BUD13: variants seen among roughly 807,000 people sequenced by gnomAD.
BUD13 encodes the protein BUD13 homolog.
In BUD13, 47 loss-of-function variants were observed where a neutral mutation model predicts 62.5. The ratio of observed to expected loss-of-function variants is 0.75; its 90% confidence interval spans 0.60 to 0.96. BUD13 has a LOEUF of 0.96. Ranked by LOEUF, BUD13 falls within the 40% of genes least tolerant of loss-of-function variation. The probability of loss-of-function intolerance (pLI) is 0.00; values close to 1 mark genes in which losing one functional copy is unlikely to be tolerated. For missense variants in BUD13, 821 were observed against 790.9 expected, an observed-to-expected ratio of 1.04 and a Z score of -0.46; for synonymous variants, 293 against 280.1, an observed-to-expected ratio of 1.05 and a Z score of -0.46.
chr11:116,765,030 C>T (rs1940505950), intron 3 of BUD13, among the ~76,000 whole-genome samples: 2 of 152,184 alleles, frequency 1.3e-5, no homozygotes, highest in Admixed American at 1.3e-4. Flanking sequence ...AATTCTGCTC[C>T]TGTTTCTTGT....
rs770390553 is a variant in BUD13 at position 116,762,530 on chromosome 11, C to G, written c.1036+23G>C. On this transcript the variant is annotated intron_variant, in intron 4 of 9. Transcript: ENST00000260210. ...AGCTCCCAGGGATACATACATCCCT[C>G]TCATGGACAGTCATATGCTCACCTT... is the stretch of plus-strand genomic sequence containing the variant. 6 of 1,549,908 alleles carry G rather than the reference C, an allele frequency of 3.9e-6. No homozygotes were observed. The Admixed American group carries it at 7.4e-5, about 19-fold the overall frequency.
In BUD13 at chr11:116,754,202, T is replaced by C. The variant is rs185854402; in HGVS notation, c.1766+2944A>G. Among the ~76,000 whole-genome samples the C allele has an allele frequency of 6.2e-3, 943 of 152,280 alleles. 6 individuals carry two copies. Among genetic ancestry groups the C allele is most frequent in the Middle Eastern group, 0.017 (5 of 294 alleles). On this transcript the variant is annotated intron_variant, in intron 9 of 9. Transcript: ENST00000260210. The stretch of plus-strand genomic sequence containing the variant: ...CTGGGACTATAGGCGTGTGCCACCA[T>C]GCCCGACTAATTTTTGTATTTTTTT...
At chr11:116,758,782 G>C (rs1940378047) in intron 6 of BUD13, among the ~76,000 whole-genome samples, 1 of 151,602 alleles carries the variant, frequency 6.6e-6, no homozygotes, top group African/African-American at 2.4e-5. Flanking sequence ...GGTAGAGACA[G>C]GGTTTCATCA....
chr11:116,767,449 C>T (rs1437032642), intron 2 of BUD13, among the ~76,000 whole-genome samples: 3 of 149,932 alleles, frequency 2.0e-5, no homozygotes, highest in African/African-American at 7.4e-5. Flanking sequence ...AAAAATTAGC[C>T]AGGCATGGTG....
chr11:116,758,165 T>TA, intron 7 of BUD13, 104 bp downstream of exon 7: 6 of 1,521,270 alleles, frequency 3.9e-6, no homozygotes, highest in Non-Finnish European at 5.3e-6. Context: ...CCATTACTGA[T>TA]AACAGCTCTG....
chr11:116,762,569 C>A lies in BUD13; in HGVS notation c.1020G>T (p.Lys340Asn). 6.2e-7 allele frequency: 1 copy of A among 1,610,662 alleles called. No individual in the cohort carries two copies. ...KQAKSHFGDK[K>N]QLDSKGDCQK... ...TATGCTCACCTTTGGAATCAAGCTG[C>A]TTCTTGTCTCCAAAATGGGATTTTG... The change falls in exon 4 of 10, where the codon AAG becomes AAT. Residue 340 changes from lysine (K) to asparagine (N), a missense_variant. Lys to Asn is a moderately conservative substitution (Grantham distance 94, BLOSUM62 0). Coordinates refer to ENST00000260210, the MANE Select transcript of BUD13 (RefSeq NM_032725.4).
At chr11:116,771,072 T>C (rs1046588058) in intron 1 of BUD13, among the ~76,000 whole-genome samples, 2 of 152,168 alleles carry the variant, frequency 1.3e-5, no homozygotes, top group Admixed American at 6.5e-5. Flanking sequence ...TAGGAAACTC[T>C]TTCTCATTCC....
In BUD13 at chr11:116,770,931, C is replaced by T. The variant is rs1940616343; in HGVS notation, c.144-709G>A. On this transcript the variant is annotated intron_variant, in intron 1 of 9. Coordinates refer to ENST00000260210, the MANE Select transcript of BUD13 (RefSeq NM_032725.4). ...TACTCAGTCTCCCAAGTAGCTGGGACTACAGGCATGTGCCACTGTGCCTGA... is the reference window on the plus strand; with the variant it reads ...TACTCAGTCTCCCAAGTAGCTGGGATTACAGGCATGTGCCACTGTGCCTGA... 2.0e-5 allele frequency among the ~76,000 whole-genome samples: 3 copies of T among 152,216 alleles called. No individual in the cohort carries two copies. The South Asian group carries it at 6.2e-4, about 32-fold the overall frequency.
intron 3 of BUD13, 58 bp from the exon 4 acceptor site, chr11:116,763,324 C>A: frequency 6.9e-7 from 1 of 1,450,776 alleles, no homozygotes; most frequent in Non-Finnish European, 9.3e-7. Context: ...TCTGTCCACC[C>A]CCACACCCAG....
intron 9 of BUD13, among the ~76,000 whole-genome samples, chr11:116,754,331 G>C (rs1164421540): frequency 6.6e-6 from 1 of 152,190 alleles, no homozygotes; most frequent in Non-Finnish European, 1.5e-5. Flanking sequence ...ACAGGCATGA[G>C]CCACTGTGCC....
At chr11:116,757,428 CG>C (rs1283621818) in intron 8 of BUD13, among the ~76,000 whole-genome samples, 1 of 151,686 alleles carries the variant, frequency 6.6e-6, no homozygotes, top group African/African-American at 2.4e-5. Flanking sequence ...CCCAACTAGC[CG>C]GGATTACAGG....
chr11:116,759,034 G>C (rs767071640), intron 6 of BUD13, 40 bp downstream of exon 6: 3 of 1,320,614 alleles, frequency 2.3e-6, no homozygotes, highest in African/African-American at 1.5e-5. Context: ...AAAAAAAACA[G>C]TATGAGCCTA....
At chr11:116,758,078 G>A in intron 7 of BUD13, 128 bp from the exon 8 acceptor site, 2 of 1,417,800 alleles carry the variant, frequency 1.4e-6, no homozygotes, top group South Asian at 2.7e-5. Context: ...ACTGAGCAGG[G>A]TAAAATTCCC....
In BUD13 at chr11:116,757,195, G is replaced by A. The variant is rs1178234935; in HGVS notation, c.1717C>T (p.Pro573Ser). Reference protein sequence around the residue: ...RPRYSGPAPPPNRFNIWPGYR... With the variant: ...RPRYSGPAPPSNRFNIWPGYR... ...CCAGGCCAGATATTAAATCTGTTGG[G>A]AGGAGGTGCTGGACCACTGTAGCGA... The change falls in exon 9 of 10, where the codon CCC (proline) becomes TCC (serine). Residue 573 changes from proline (P) to serine (S), a missense_variant. Physicochemically the swap from Pro to Ser is moderately conservative, Grantham distance 74 (BLOSUM62 -1). Around this residue, in one of 2 missense-constraint regions of BUD13, gnomAD observed 800 missense variants for 739.2 expected, o/e 1.08. Coordinates refer to ENST00000260210, the MANE Select transcript of BUD13 (RefSeq NM_032725.4). 3 of 1,614,214 alleles carry A rather than the reference G, an allele frequency of 1.9e-6. No individual in the cohort carries two copies. Among genetic ancestry groups the A allele is most frequent in the Admixed American group, 1.7e-5 (1 of 60,026 alleles).
Position 116,772,982 on chromosome 11 carries a change from A to C in BUD13, c.-18T>G. The stretch of plus-strand genomic sequence containing the variant: ...GCCGCCATGGCAGCGGCGGGGGCAG[A>C]GAGACGGGTCGGCGCTGGGGACAAA... On this transcript the variant is annotated 5_prime_UTR_variant, in exon 1 of 10. Transcript: ENST00000260210. 1 of 1,523,988 alleles carries C rather than the reference A, an allele frequency of 6.6e-7. No individual in the cohort carries two copies. The highest frequency in any genetic ancestry group is 8.9e-7 in the Non-Finnish European group (1 of 1,129,726). The allele number at this position is 1,523,988 out of a possible 1,614,324, so 94.4% of individuals were successfully genotyped here.
At position 116,751,235 on chromosome 11, in the gene BUD13, T is replaced by C. The variant is rs183538656; in HGVS notation, c.1767-2660A>G. Reference sequence around the variant, plus strand: ...CTCAGGGGCTATCTCTCTTTAATCATGGAATCCCTAGTACCTACTACCTAG... The same window carrying C: ...CTCAGGGGCTATCTCTCTTTAATCACGGAATCCCTAGTACCTACTACCTAG... On this transcript the variant is annotated intron_variant, in intron 9 of 9. Coordinates refer to ENST00000260210, the MANE Select transcript of BUD13 (RefSeq NM_032725.4). 4.6e-5 allele frequency among the ~76,000 whole-genome samples: 7 copies of C among 152,372 alleles called. No homozygotes were observed. The South Asian group carries it at 8.3e-4, about 18-fold the overall frequency.
Position 116,757,101 on chromosome 11 carries a change from G to A in BUD13, c.1766+45C>T, listed in dbSNP as rs199731718. 3.5e-5 allele frequency: 55 copies of A among 1,567,048 alleles called. No individual in the cohort carries two copies. The East Asian group carries it at 8.5e-4, about 24-fold the overall frequency. ...GTGGAGCAACTTACGAGTGGTTAGG[G>A]AAGGTTACAGTCAGGTAGAAAATGT... On this transcript the variant is annotated intron_variant, in intron 9 of 9. Coordinates refer to ENST00000260210, the MANE Select transcript of BUD13 (RefSeq NM_032725.4).
intron 9 of BUD13, among the ~76,000 whole-genome samples, chr11:116,754,207 G>A (rs557540269): frequency 2.1e-3 from 324 of 152,198 alleles, no homozygotes; most frequent in Non-Finnish European, 3.8e-3. Context: ...CACCATGCCC[G>A]ACTAATTTTT....
intron 9 of BUD13, 44 bp from the exon 10 acceptor site, chr11:116,748,619 G>T: frequency 6.4e-7 from 1 of 1,564,316 alleles, no homozygotes; most frequent in South Asian, 1.1e-5. Flanking sequence ...ACCCTGAAAG[G>T]GGCATTTGTT....
Sources: allele counts gnomAD v4.1 joint callset (sites outside exome capture counted in the v4.1 genomes callset), GRCh38; gene constraint gnomAD v4.1.1; regional missense constraint gnomAD v4.1.1; transcripts MANE v1.5; gene names NCBI Gene and HGNC (gene_info 2026-07-23, HGNC 2026-07-21).